THADA: variants seen among roughly 807,000 people sequenced by gnomAD.
The protein encoded by THADA is THADA armadillo repeat containing.
Under a neutral mutation model 219.8 loss-of-function variants are expected in THADA, and 213 were observed. That is an observed-to-expected ratio of 0.97 (90% confidence interval 0.87 to 1.09). The LOEUF is 1.09. Ranked by LOEUF, THADA falls within the 50% of genes least tolerant of loss-of-function variation. THADA has a pLI of 0.00. For synonymous variants in THADA, 1,018 were observed against 828.9 expected (o/e 1.23, Z -3.92); for missense variants, 2,956 against 2,311.3 (o/e 1.28, Z -5.72).
intron 26 of THADA, among the ~76,000 whole-genome samples, chr2:43,445,670 T>G (rs1208013605): frequency 6.6e-6 from 1 of 152,152 alleles, no homozygotes; most frequent in Non-Finnish European, 1.5e-5. Context: ...TTTTTGGACT[T>G]TTTTTGTTTT....
rs1270088453 is a variant in THADA, at chr2:43,551,822, G to C, written c.2914C>G (p.Pro972Ala). The C allele has an allele frequency of 1.9e-6, 3 of 1,613,612 alleles. No homozygotes were observed. The highest frequency in any genetic ancestry group is 2.5e-6 in the Non-Finnish European group (3 of 1,179,830). ...VVSPVIQSSSPEGLIPMDTDS... is the reference protein window; with the variant it reads ...VVSPVIQSSSAEGLIPMDTDS... Reference sequence around the variant, plus strand: ...GTGTCCATTGGGATGAGGCCTTCAGGGGATGAGCTCTGAATGACTGGAGAC... The same window carrying C: ...GTGTCCATTGGGATGAGGCCTTCAGCGGATGAGCTCTGAATGACTGGAGAC... The change falls in exon 19 of 38, where the codon CCT becomes GCT. Residue 972 changes from proline to alanine, a missense_variant. Physicochemically the swap from Pro to Ala is conservative, Grantham distance 27. Transcript: ENST00000405975.
chr2:43,369,067 AATT>A (rs771900376), intron 29 of THADA, among the ~76,000 whole-genome samples: 8 of 152,168 alleles, frequency 5.3e-5, no homozygotes, highest in East Asian at 3.9e-4. Context: ...GTGCAACTAA[AATT>A]ATTATTGTTA....
chr2:43,290,954 G>A (rs1572934728), intron 34 of THADA, among the ~76,000 whole-genome samples: 2 of 152,190 alleles, frequency 1.3e-5, no homozygotes, highest in East Asian at 3.9e-4. Flanking sequence ...GCTGGGCCAT[G>A]TTCTGGGGGA....
At chr2:43,568,896 A>T (rs917197522) in intron 14 of THADA, among the ~76,000 whole-genome samples, 10 of 152,072 alleles carry the variant, frequency 6.6e-5, no homozygotes, top group African/African-American at 2.2e-4. Context: ...TTAATTAATT[A>T]AAAAAAATTT....
chr2:43,582,146 C>G (rs935204076), intron 7 of THADA, among the ~76,000 whole-genome samples: 1 of 152,202 alleles, frequency 6.6e-6, no homozygotes, highest in Non-Finnish European at 1.5e-5. Context: ...GTCCCTCTTT[C>G]TCAGCCAATA....
At chr2:43,353,308 G>T (rs919188326) in intron 29 of THADA, among the ~76,000 whole-genome samples, 1 of 151,860 alleles carries the variant, frequency 6.6e-6, no homozygotes, top group Non-Finnish European at 1.5e-5. Flanking sequence ...GGATGCAAGG[G>T]TTCCCTTTTC....
chr2:43,283,021 G>C (rs1446324887), intron 35 of THADA, among the ~76,000 whole-genome samples: 1 of 152,210 alleles, frequency 6.6e-6, no homozygotes, highest in Non-Finnish European at 1.5e-5. Flanking sequence ...AGTGAATCCT[G>C]AAGGCAGATT....
chr2:43,515,200 A>AATATATAATATATAATATATTATATATT (rs1691406808), intron 22 of THADA, among the ~76,000 whole-genome samples: 1 of 4,824 alleles, frequency 2.1e-4, no homozygotes, highest in Non-Finnish European at 3.1e-4. Context: ...TATTATATAT[A>AATATATAATATATAATATATTATATATT]ATATATAATA....
At chr2:43,439,274 G>A (rs1326573450) in intron 26 of THADA, among the ~76,000 whole-genome samples, 4 of 151,740 alleles carry the variant, frequency 2.6e-5, no homozygotes, top group African/African-American at 7.3e-5. Context: ...TGAGAGAGAC[G>A]GAGAGAGAGA....
At chr2:43,449,160 C>T (rs114383406) in intron 26 of THADA, among the ~76,000 whole-genome samples, 3 of 152,026 alleles carry the variant, frequency 2.0e-5, no homozygotes, top group Admixed American at 6.5e-5. Flanking sequence ...ATACCTACCA[C>T]TAAAATGTAC....
intron 29 of THADA, among the ~76,000 whole-genome samples, chr2:43,368,733 T>G (rs921570537): frequency 3.3e-5 from 5 of 152,144 alleles, no homozygotes; most frequent in African/African-American, 1.2e-4. Flanking sequence ...GATAACTTCC[T>G]TTTAATTTAC....
chr2:43,569,736 G>T (rs1200729662), intron 14 of THADA, among the ~76,000 whole-genome samples: 2 of 151,940 alleles, frequency 1.3e-5, no homozygotes, highest in African/African-American at 4.8e-5. Context: ...GCTGTCTTCT[G>T]TCTGGGCCTG....
intron 28 of THADA, among the ~76,000 whole-genome samples, chr2:43,418,094 C>T (rs1677223772): frequency 6.6e-6 from 1 of 152,126 alleles, no homozygotes; most frequent in Admixed American, 6.5e-5. Flanking sequence ...TCTGATTCAC[C>T]ACTCTGTTTC....
Position 43,574,656 on chromosome 2 carries a change from A to G in THADA, c.1409T>C (p.Ile470Thr), listed in dbSNP as rs760933752. 10 of 1,614,032 alleles carry G rather than the reference A, an allele frequency of 6.2e-6. No individual in the cohort carries two copies. Among genetic ancestry groups the G allele is most frequent in the Admixed American group, 1.7e-5 (1 of 60,020 alleles). Residue 470 changes from isoleucine to threonine, a missense_variant, in exon 11 of 38, where the codon ATT becomes ACT. Physicochemically the swap from Ile to Thr is moderately conservative, Grantham distance 89. Coordinates refer to ENST00000405975, the MANE Select transcript of THADA (RefSeq NM_022065.5). Reference protein sequence around the residue: ...CLVECIGVEHILAIDKTIPSQ... With the variant: ...CLVECIGVEHTLAIDKTIPSQ... ...TGGAATAGTTTTATCTATAGCCAAA[A>G]TATGTTCAACTCCTATGCACTCTAC...
rs556330842 is a variant in THADA at position 43,343,059 on chromosome 2, ACT to A, written c.4343+1061_4343+1062del. 1.8e-4 allele frequency: 28 copies of A among 152,186 alleles called. 1 individual carries two copies. The highest frequency in any genetic ancestry group is 6.7e-4 in the African/African-American group (28 of 41,522). 9.4% of individuals were successfully genotyped at this position (152,186 alleles called of 1,614,324 possible). On this transcript the variant is annotated intron_variant, in intron 30 of 37. Transcript: ENST00000405975. ...TTATTTATTTTTGAAACAAGGTCTCACTCTGTCACCCAGTCTGGAGTGCAGTG... is the reference window on the plus strand; with the variant it reads ...TTATTTATTTTTGAAACAAGGTCTCACTGTCACCCAGTCTGGAGTGCAGTG...
At chr2:43,303,481 C>T (rs773748555) in intron 31 of THADA, among the ~76,000 whole-genome samples, 5 of 152,074 alleles carry the variant, frequency 3.3e-5, no homozygotes, top group Non-Finnish European at 5.9e-5. Flanking sequence ...TCTCTCTCCT[C>T]TCTAGAGGAG....
chr2:43,366,083 C>G (rs1019871066), intron 29 of THADA, among the ~76,000 whole-genome samples: 1 of 152,154 alleles, frequency 6.6e-6, no homozygotes, highest in Non-Finnish European at 1.5e-5. Flanking sequence ...TGTGTCACCA[C>G]TAAACAGTGG....
intron 31 of THADA, among the ~76,000 whole-genome samples, chr2:43,299,660 CA>C (rs773603537): frequency 4.7e-4 from 71 of 152,060 alleles, no homozygotes; most frequent in Non-Finnish European, 7.1e-4. Flanking sequence ...GACTCTGTCT[CA>C]AAAACAACAA....
intron 24 of THADA, among the ~76,000 whole-genome samples, chr2:43,503,703 C>A: frequency 6.6e-6 from 1 of 151,440 alleles, no homozygotes; most frequent in South Asian, 2.1e-4. Context: ...AGAAATGAAC[C>A]CTGGGAGGGG....
Sources: gnomAD v4.1 joint callset for allele counts (sites outside exome capture counted in the v4.1 genomes callset) on GRCh38, gnomAD v4.1.1 for gene constraint, MANE v1.5 for transcripts, NCBI Gene and HGNC (gene_info 2026-07-23, HGNC 2026-07-21) for gene names.